The following XCR1 variants were observed in gnomAD, a reference collection of about 807,000 sequenced individuals.
XCR1 encodes chemokine XC receptor 1.
For synonymous variants in XCR1, 187 were observed against 188.5 expected, an observed-to-expected ratio of 0.99 and a Z score of 0.06; for missense variants, 356 against 424.2, an observed-to-expected ratio of 0.84 and a Z score of 1.41.
intron 4 of XCR1, among the ~76,000 whole-genome samples, chr3:46,061,158 G>C (rs1003884848): frequency 6.6e-6 from 1 of 152,212 alleles, no homozygotes; most frequent in Non-Finnish European, 1.5e-5. Context: ...TCCAGAGTAA[G>C]TGTCTATTCC....
intron 4 of XCR1, among the ~76,000 whole-genome samples, chr3:46,056,244 T>C (rs1441852593): frequency 6.6e-6 from 1 of 152,180 alleles, no homozygotes; most frequent in Non-Finnish European, 1.5e-5. Context: ...GGTTTCACCA[T>C]GTTGGCCAGG....
chr3:46,040,557 ATG>A lies in XCR1; in HGVS notation c.-32+13361_-32+13362del, dbSNP rs563261037. On this transcript the variant is annotated intron_variant, in intron 5 of 5. Transcript: ENST00000683768. ...TTGCTAATGTGTGTTCCAGGATTAT[ATG>A]ATATTCCTGAAATTCTGATATGTCT... is the stretch of plus-strand genomic sequence containing the variant. 5.3e-5 allele frequency among the ~76,000 whole-genome samples: 8 copies of A among 152,306 alleles called. 1 individual carries two copies. The East Asian group carries it at 1.5e-3, about 29-fold the overall frequency.
intron 4 of XCR1, among the ~76,000 whole-genome samples, chr3:46,060,497 G>T (rs1156441810): frequency 2.0e-5 from 3 of 152,080 alleles, no homozygotes; most frequent in African/African-American, 7.2e-5. Flanking sequence ...TCCCTTATTT[G>T]CCTGTTAATT....
intron 5 of XCR1, among the ~76,000 whole-genome samples, chr3:46,051,778 G>A (rs988376470): frequency 1.3e-5 from 2 of 152,226 alleles, no homozygotes; most frequent in Non-Finnish European, 2.9e-5. Flanking sequence ...TGTAATCCCA[G>A]CACTTTGTGA....
intron 5 of XCR1, among the ~76,000 whole-genome samples, chr3:46,048,618 C>T (rs767235517): frequency 4.6e-5 from 7 of 152,138 alleles, no homozygotes; most frequent in Middle Eastern, 3.2e-3. Context: ...ACGGCTTGTC[C>T]ATCTCCTGTG....
At position 46,021,245 on chromosome 3, in the gene XCR1, A is replaced by C. The variant is rs535405651; in HGVS notation, c.703T>G (p.Phe235Val). The stretch of plus-strand genomic sequence containing the variant: ...AAGTTGTAGGGACCCCAGCTGAGGA[A>C]GTAGGCCACCACGATGGCGAAGATG... Reference protein sequence around the residue: ...KLIFAIVVAYFLSWGPYNFTL... With the variant: ...KLIFAIVVAYVLSWGPYNFTL... Residue 235 changes from phenylalanine (F) to valine (V), a missense_variant, in exon 2 of 2, where the codon TTC becomes GTC. By Grantham distance (50) the Phe-to-Val change is conservative. Coordinates refer to ENST00000309285, the MANE Select transcript of XCR1 (RefSeq NM_001024644.2). The surrounding 1 kb of genome is among the most constrained non-coding windows in gnomAD (Gnocchi z 4.7). 18 of 1,614,228 alleles carry C rather than the reference A, an allele frequency of 1.1e-5. 1 individual carries two copies. The South Asian group carries it at 2.0e-4, about 18-fold the overall frequency.
At chr3:46,085,779 G>A (rs1018534090) in intron 1 of XCR1, among the ~76,000 whole-genome samples, 1 of 152,220 alleles carries the variant, frequency 6.6e-6, no homozygotes, top group Non-Finnish European at 1.5e-5. Context: ...CAACCTTGGT[G>A]TAGGGCCTCC....
At chr3:46,075,090 C>A (rs2125903580) in intron 2 of XCR1, among the ~76,000 whole-genome samples, 1 of 151,948 alleles carries the variant, frequency 6.6e-6, no homozygotes, top group Middle Eastern at 3.4e-3. Flanking sequence ...TGGGAAGAAT[C>A]ACTCTACCCA....
At chr3:46,041,301 T>C (rs62242835) in intron 5 of XCR1, among the ~76,000 whole-genome samples, 24,600 of 152,168 alleles carry the variant, frequency 0.16, 2,131 homozygotes, top group East Asian at 0.26. Flanking sequence ...GCAAAGCCAA[T>C]TTAGGAGAGC....
chr3:46,050,068 T>TA (rs1359381678), intron 5 of XCR1, among the ~76,000 whole-genome samples: 1 of 152,268 alleles, frequency 6.6e-6, no homozygotes, highest in African/African-American at 2.4e-5. Context: ...GCCATTCTAT[T>TA]ACTGTTACAG....
intron 4 of XCR1, among the ~76,000 whole-genome samples, chr3:46,061,638 C>T (rs1224738684): frequency 6.6e-6 from 1 of 152,150 alleles, no homozygotes. Context: ...CTCCTTAGGA[C>T]AGTCCTTTTA....
At chr3:46,048,149 A>T (rs964358503) in intron 5 of XCR1, among the ~76,000 whole-genome samples, 5 of 152,152 alleles carry the variant, frequency 3.3e-5, no homozygotes, top group Non-Finnish European at 7.3e-5. Flanking sequence ...GGTATAATTA[A>T]TGACATTATT....
At chr3:46,023,297 T>C (rs1708204042) in intron 1 of XCR1, 1 of 821,774 alleles carries the variant, frequency 1.2e-6, no homozygotes, top group Non-Finnish European at 2.0e-6. Context: ...CTGCTGTCTA[T>C]GGAAGTAATG....
chr3:46,021,904 T>G lies in XCR1; in HGVS notation c.44A>C (p.Tyr15Ser). ...CTCACACGGCTGGCTCTGAAGGTCA[T>G]AGTAAAAAAAGGTGGTGCTCTCTGG... Reference protein sequence around the residue: ...GNPESTTFFYYDLQSQPCENQ... With the variant: ...GNPESTTFFYSDLQSQPCENQ... The change falls in exon 2 of 2, where the codon TAT (tyrosine) becomes TCT (serine). Residue 15 changes from tyrosine (Y) to serine (S), a missense_variant. By Grantham distance (144) the Tyr-to-Ser change is moderately radical (BLOSUM62 -2). Coordinates refer to ENST00000309285, the MANE Select transcript of XCR1 (RefSeq NM_001024644.2). The surrounding 1 kb of genome is among the most constrained non-coding windows in gnomAD (Gnocchi z 4.7). 1 of 1,613,556 alleles carries G rather than the reference T, an allele frequency of 6.2e-7. No individual in the cohort carries two copies. Among genetic ancestry groups the G allele is most frequent in the Non-Finnish European group, 8.5e-7 (1 of 1,179,814 alleles).
At chr3:46,062,748 A>T (rs1447094557) in intron 4 of XCR1, among the ~76,000 whole-genome samples, 1 of 152,240 alleles carries the variant, frequency 6.6e-6, no homozygotes, top group Non-Finnish European at 1.5e-5. Context: ...CCAGGAGGCA[A>T]CAGGGCCTTG....
chr3:46,037,352 A>G (rs949946874), intron 5 of XCR1, among the ~76,000 whole-genome samples: 9 of 152,150 alleles, frequency 5.9e-5, no homozygotes, highest in African/African-American at 2.2e-4. Flanking sequence ...GAAGAAAGTT[A>G]TGAATGTGAC....
At chr3:46,040,910 G>C (rs1363783830) in intron 5 of XCR1, among the ~76,000 whole-genome samples, 1 of 152,218 alleles carries the variant, frequency 6.6e-6, no homozygotes, top group East Asian at 1.9e-4. Context: ...GTGTGAAGCA[G>C]AGCAGGAGTT....
intron 4 of XCR1, among the ~76,000 whole-genome samples, chr3:46,057,735 C>A (rs557558589): frequency 8.1e-4 from 124 of 152,264 alleles, no homozygotes; most frequent in Non-Finnish European, 1.5e-3. Context: ...CTGTGGATTG[C>A]AGTTAGCCTT....
At chr3:46,054,113 A>G (rs953838971) in intron 4 of XCR1, among the ~76,000 whole-genome samples, 3 of 152,200 alleles carry the variant, frequency 2.0e-5, no homozygotes, top group South Asian at 2.1e-4. Flanking sequence ...GACAAAGACA[A>G]AAGAGCATAT....
Sources: allele counts gnomAD v4.1 joint callset (sites outside exome capture counted in the v4.1 genomes callset), GRCh38; gene constraint gnomAD v4.1.1; non-coding constraint Gnocchi (gnomAD v3.1); transcripts MANE v1.5; gene names NCBI Gene and HGNC (gene_info 2026-07-23, HGNC 2026-07-21).